Variants in ST6GALNAC3 observed in about 807,000 individuals in gnomAD.
ST6GALNAC3 encodes the protein alpha-N-acetylgalactosaminide alpha-2,6-sialyltransferase 3.
Under a neutral mutation model 32.7 loss-of-function variants are expected in ST6GALNAC3, and 25 were observed. The observed-to-expected ratio is 0.76, with a 90% CI of 0.56 to 1.07. The LOEUF (loss-of-function observed/expected upper bound fraction) is 1.07, where lower values mean the gene tolerates loss of function less well. Ranked by LOEUF, ST6GALNAC3 falls within the 50% of genes least tolerant of loss-of-function variation. The pLI, the probability that ST6GALNAC3 is intolerant of heterozygous loss-of-function variation, is 0.00. For synonymous variants in ST6GALNAC3, 129 were observed against 133.1 expected, an observed-to-expected ratio of 0.97 and a Z score of 0.21; for missense variants, 355 against 382.4, an observed-to-expected ratio of 0.93 and a Z score of 0.60.
In ST6GALNAC3 at chr1:76,238,607, C is replaced by A. The variant is rs80332110; in HGVS notation, c.19-75198C>A. 1.3e-4 allele frequency among the ~76,000 whole-genome samples: 20 copies of A among 152,180 alleles called. No homozygotes were observed. The East Asian group carries it at 3.7e-3, about 28-fold the overall frequency. ...TAATTGTAATGCAGTGCCATTGCCT[C>A]TGTAGACAATAGGCAGAGAGCAGTG... On this transcript the variant is annotated intron_variant, in intron 1 of 4. Transcript: ENST00000328299.
intron 1 of ST6GALNAC3, among the ~76,000 whole-genome samples, chr1:76,091,265 A>T (rs190861): frequency 0.2 from 30,255 of 152,270 alleles, 3,124 homozygotes; most frequent in African/African-American, 0.21. Context: ...AAATAAAGCT[A>T]TTAATGTAGG....
chr1:76,162,559 A>T (rs1355558304), intron 1 of ST6GALNAC3, among the ~76,000 whole-genome samples: 1 of 152,118 alleles, frequency 6.6e-6, no homozygotes, highest in Non-Finnish European at 1.5e-5. Flanking sequence ...CTGACCTTAC[A>T]GTGTTGTAGT....
intron 3 of ST6GALNAC3, among the ~76,000 whole-genome samples, chr1:76,472,821 G>A (rs1273104751): frequency 6.6e-6 from 1 of 152,052 alleles, no homozygotes; most frequent in Non-Finnish European, 1.5e-5. Flanking sequence ...AAATTGGAGA[G>A]AAAAACGAGG....
chr1:76,439,718 TAC>T (rs1192911014), intron 3 of ST6GALNAC3, among the ~76,000 whole-genome samples: 1 of 152,162 alleles, frequency 6.6e-6, no homozygotes, highest in African/African-American at 2.4e-5. Context: ...AAATGTAAGG[TAC>T]AGTGCTGGGC....
intron 3 of ST6GALNAC3, among the ~76,000 whole-genome samples, chr1:76,588,385 A>G (rs949823753): frequency 3.9e-5 from 6 of 152,158 alleles, no homozygotes; most frequent in Non-Finnish European, 8.8e-5. Flanking sequence ...TCTTTGTGCT[A>G]CGTAGAACAC....
chr1:76,555,429 CTGCT>C (rs1435375654), intron 3 of ST6GALNAC3, among the ~76,000 whole-genome samples: 1 of 152,068 alleles, frequency 6.6e-6, no homozygotes, highest in Non-Finnish European at 1.5e-5. Context: ...AGGATTCTTC[CTGCT>C]TTCAACATAA....
intron 2 of ST6GALNAC3, among the ~76,000 whole-genome samples, chr1:76,360,669 T>C (rs1047859883): frequency 6.6e-6 from 1 of 152,250 alleles, no homozygotes; most frequent in Admixed American, 6.5e-5. Flanking sequence ...GATTATATTA[T>C]GCATTAATTT....
At chr1:76,386,520 C>T (rs888431477) in intron 2 of ST6GALNAC3, among the ~76,000 whole-genome samples, 2 of 152,172 alleles carry the variant, frequency 1.3e-5, no homozygotes, top group African/African-American at 4.8e-5. Context: ...AAATGTGCTC[C>T]TTCCTTATTT....
chr1:76,252,578 G>A (rs1213630782), intron 1 of ST6GALNAC3, among the ~76,000 whole-genome samples: 1 of 151,880 alleles, frequency 6.6e-6, no homozygotes, highest in East Asian at 1.9e-4. Context: ...CTTGGGCTGG[G>A]GACCAAGCTC....
chr1:76,334,797 A>C (rs1647331297), intron 2 of ST6GALNAC3, among the ~76,000 whole-genome samples: 1 of 152,218 alleles, frequency 6.6e-6, no homozygotes, highest in Non-Finnish European at 1.5e-5. Context: ...GATGAGGTAA[A>C]ACACCAATTG....
At chr1:76,466,398 G>T (rs1658632372) in intron 3 of ST6GALNAC3, among the ~76,000 whole-genome samples, 1 of 151,948 alleles carries the variant, frequency 6.6e-6, no homozygotes, top group Non-Finnish European at 1.5e-5. Flanking sequence ...GCTCCCTAGG[G>T]TTCCTGAGAG....
chr1:76,508,750 C>T (rs1661644243), intron 3 of ST6GALNAC3, among the ~76,000 whole-genome samples: 1 of 152,096 alleles, frequency 6.6e-6, no homozygotes, highest in East Asian at 1.9e-4. Flanking sequence ...TTCTTTCATC[C>T]TCCCCATTTA....
At chr1:76,236,132 G>A (rs1656643895) in intron 1 of ST6GALNAC3, among the ~76,000 whole-genome samples, 5 of 152,044 alleles carry the variant, frequency 3.3e-5, no homozygotes, top group African/African-American at 1.2e-4. Flanking sequence ...ATTTTTAATA[G>A]AGACAGGGTT....
rs188512609 is a variant in ST6GALNAC3, at chr1:76,189,183, T to C, written c.18+114299T>C. ...TTAAGGGATCCTGGCCCTGCAGGGC[T>C]GTATGGTCTCACAGGCAAGGGTGCC... On this transcript the variant is annotated intron_variant, in intron 1 of 4. Transcript: ENST00000328299. Among the ~76,000 whole-genome samples, 10 of 152,320 alleles carry C rather than the reference T, an allele frequency of 6.6e-5. No individual in the cohort carries two copies. In the East Asian group the frequency reaches 1.9e-3, roughly 29 times the overall value.
At chr1:76,398,318 T>G (rs1262551380) in intron 2 of ST6GALNAC3, among the ~76,000 whole-genome samples, 1 of 152,194 alleles carries the variant, frequency 6.6e-6, no homozygotes, top group Non-Finnish European at 1.5e-5. Flanking sequence ...CCAATATATT[T>G]GTCATAGAAC....
intron 3 of ST6GALNAC3, among the ~76,000 whole-genome samples, chr1:76,419,326 G>A (rs906415454): frequency 6.6e-6 from 1 of 152,086 alleles, no homozygotes; most frequent in African/African-American, 2.4e-5. Flanking sequence ...AGACATGTAT[G>A]CTCAACAGTT....
chr1:76,242,343 G>A (rs1308648207), intron 1 of ST6GALNAC3, among the ~76,000 whole-genome samples: 4 of 152,112 alleles, frequency 2.6e-5, no homozygotes, highest in African/African-American at 7.2e-5. Context: ...GAGTTGGGGG[G>A]AAGATCTTAG....
intron 3 of ST6GALNAC3, among the ~76,000 whole-genome samples, chr1:76,546,982 G>C (rs1434090229): frequency 1.3e-5 from 2 of 152,228 alleles, no homozygotes; most frequent in Non-Finnish European, 2.9e-5. Context: ...GATAGCTGTA[G>C]TTTAGCTACA....
intron 3 of ST6GALNAC3, among the ~76,000 whole-genome samples, chr1:76,535,836 G>C (rs1427282053): frequency 6.6e-6 from 1 of 151,936 alleles, no homozygotes; most frequent in Non-Finnish European, 1.5e-5. Context: ...TCTAGGTCGA[G>C]AGGTAAAGTT....
Sources: allele counts gnomAD v4.1 joint callset (sites outside exome capture counted in the v4.1 genomes callset), GRCh38; gene constraint gnomAD v4.1.1; transcripts MANE v1.5; gene names NCBI Gene and HGNC (gene_info 2026-07-23, HGNC 2026-07-21).